The following ZKSCAN1 variants were observed in gnomAD, a reference collection of about 807,000 sequenced individuals.
ZKSCAN1 encodes the protein zinc finger with KRAB and SCAN domains 1.
A neutral mutation model predicts 51.6 loss-of-function variants in ZKSCAN1; 14 were observed. The ratio of observed to expected loss-of-function variants is 0.27; its 90% CI spans 0.18 to 0.42. The LOEUF is 0.42. ZKSCAN1 is among the 10% of genes least tolerant of loss of function. The probability of loss-of-function intolerance (pLI) is 1.00; values close to 1 mark genes in which losing one functional copy is unlikely to be tolerated. For synonymous variants in ZKSCAN1, 263 were observed against 261.5 expected (o/e 1.01, Z -0.06); for missense variants, 531 against 710.0 (o/e 0.75, Z 2.86).
At position 100,038,148 on chromosome 7, in the gene ZKSCAN1, G is replaced by C; in HGVS notation, c.*3951G>C. 1.0e-6 allele frequency: 1 copy of C among 985,300 alleles called. No individual in the cohort carries two copies. Among genetic ancestry groups the C allele is most frequent in the Non-Finnish European group, 1.2e-6 (1 of 829,892 alleles). The allele number at this position is 985,300 out of a possible 1,614,324, so 61.0% of individuals were successfully genotyped here. A position where few individuals can be genotyped will look rare whatever the true frequency, so the allele number is the denominator to read the frequency against. ...CTTCTTACAAAAATTGTTAACGTTA[G>C]GTACTTCTATATATTTTATATGACC... On this transcript the variant is annotated 3_prime_UTR_variant, in exon 6 of 6. Transcript: ENST00000324306.
chr7:100,028,054 T>A (rs1790919999), intron 3 of ZKSCAN1, among the ~76,000 whole-genome samples: 1 of 151,982 alleles, frequency 6.6e-6, no homozygotes, highest in Admixed American at 6.6e-5. Flanking sequence ...CTCAGAAGTT[T>A]AAAAAATTAA....
intron 3 of ZKSCAN1, among the ~76,000 whole-genome samples, chr7:100,028,853 A>G (rs1437126713): frequency 6.6e-6 from 1 of 150,812 alleles, no homozygotes; most frequent in African/African-American, 2.4e-5. Context: ...AAGTAGAGGG[A>G]CAAAAACTGG....
In ZKSCAN1 at chr7:100,036,831, T is replaced by TG. The variant is rs1383886085; in HGVS notation, c.*2636dup. On this transcript the variant is annotated 3_prime_UTR_variant, in exon 6 of 6. Coordinates refer to ENST00000324306, the MANE Select transcript of ZKSCAN1 (RefSeq NM_003439.4). The stretch of plus-strand genomic sequence containing the variant: ...CTTTGGTCATGTTTACATTGGCCTT[T>TG]GGTTTTTTTTTTTCTTTCAGCCACA... 1 of 934,420 alleles carries TG rather than the reference T, an allele frequency of 1.1e-6. No individual in the cohort carries two copies. The highest frequency in any genetic ancestry group is 9.4e-5 in the Admixed American group (1 of 10,592). The allele number at this position is 934,420 out of a possible 1,614,324, so 57.9% of individuals were successfully genotyped here.
At position 100,036,342 on chromosome 7, in the gene ZKSCAN1, A is replaced by G; in HGVS notation, c.*2145A>G. 1.0e-6 allele frequency: 1 copy of G among 985,472 alleles called. No individual in the cohort carries two copies. Among genetic ancestry groups the G allele is most frequent in the Non-Finnish European group, 1.2e-6 (1 of 829,940 alleles). 61.0% of individuals were successfully genotyped at this position (985,472 alleles called of 1,614,324 possible). On this transcript the variant is annotated 3_prime_UTR_variant, in exon 6 of 6. Transcript: ENST00000324306. ...TAAAATGGAGGCAGAAAATGTTTTA[A>G]GGATTTTCTTCAAAGAATAAGCCAC...
intron 3 of ZKSCAN1, among the ~76,000 whole-genome samples, chr7:100,025,358 G>C (rs187402530): frequency 5.3e-5 from 8 of 150,170 alleles, no homozygotes; most frequent in Non-Finnish European, 1.2e-4. Flanking sequence ...TCTTTTCTAG[G>C]TTATTTTCAG....
At position 100,039,175 on chromosome 7, in the gene ZKSCAN1, G is replaced by C. The variant is rs1791491259; in HGVS notation, c.*4978G>C. ...AAAAATACAAAAATTAGCCGGGCGT[G>C]GTGGTGGGCGCCTGTAGTCCCAGCT... On this transcript the variant is annotated 3_prime_UTR_variant, in exon 6 of 6. Transcript: ENST00000324306. 1.1e-5 allele frequency: 3 copies of C among 274,508 alleles called. No individual in the cohort carries two copies. The highest frequency in any genetic ancestry group is 1.1e-5 in the Non-Finnish European group (2 of 181,216). The allele number at this position is 274,508 out of a possible 1,614,324, so 17.0% of individuals were successfully genotyped here.
chr7:100,029,999 T>C (rs1306263268), intron 4 of ZKSCAN1, 47 bp downstream of exon 4: 2 of 1,598,336 alleles, frequency 1.3e-6, no homozygotes, highest in Non-Finnish European at 1.7e-6. Context: ...TGTCTGCCTC[T>C]GTTCCTGAGC....
intron 3 of ZKSCAN1, chr7:100,024,628 G>A (rs374378427): frequency 4.0e-6 from 1 of 251,300 alleles, no homozygotes. Flanking sequence ...GGCTCGGCAC[G>A]GTAGCTCACA....
intron 3 of ZKSCAN1, 197 bp downstream of exon 3, chr7:100,024,504 G>C (rs1790733240): frequency 3.0e-6 from 2 of 668,166 alleles, no homozygotes; most frequent in Admixed American, 6.3e-5. Flanking sequence ...TGAGGTGGGA[G>C]GATTGCTTGA....
chr7:100,026,971 G>T (rs1049281232), intron 3 of ZKSCAN1, among the ~76,000 whole-genome samples: 1 of 151,256 alleles, frequency 6.6e-6, no homozygotes. Context: ...CACCCTCCAA[G>T]CTAGGCAACA....
At chr7:100,019,749 TG>T (rs1790522095) in intron 1 of ZKSCAN1, among the ~76,000 whole-genome samples, 1 of 152,066 alleles carries the variant, frequency 6.6e-6, no homozygotes. Flanking sequence ...TTGCCCAGAC[TG>T]GAGTGCAGTG....
chr7:100,043,771 A>ATTTTTTTT (rs772298225), downstream of ZKSCAN1, among the ~76,000 whole-genome samples: 5 of 58,920 alleles, frequency 8.5e-5, no homozygotes, highest in Non-Finnish European at 1.2e-4. Flanking sequence ...TTCTTTCTTG[A>ATTTTTTTT]TTTTTTTTTT....
chr7:100,039,212 T>C lies in ZKSCAN1; in HGVS notation c.*5015T>C. 1.6e-6 allele frequency: 1 copy of C among 618,734 alleles called. No homozygotes were observed. The highest frequency in any genetic ancestry group is 2.0e-6 in the Non-Finnish European group (1 of 496,342). The allele number at this position is 618,734 out of a possible 1,614,324, so 38.3% of individuals were successfully genotyped here. ...CTGTAGTCCCAGCTACTCAGGAGGC[T>C]GAGGCAGGAGAATCACCTAAATCTG... is the stretch of plus-strand genomic sequence containing the variant. On this transcript the variant is annotated 3_prime_UTR_variant, in exon 6 of 6. Transcript: ENST00000324306.
Position 100,036,537 on chromosome 7 carries a change from G to T in ZKSCAN1, c.*2340G>T. 1.2e-6 allele frequency: 1 copy of T among 830,030 alleles called. No homozygotes were observed. Among genetic ancestry groups the T allele is most frequent in the Non-Finnish European group, 1.5e-6 (1 of 688,578 alleles). The allele number at this position is 830,030 out of a possible 1,614,324, so 51.4% of individuals were successfully genotyped here. A position where few individuals can be genotyped will look rare whatever the true frequency, so the allele number is the denominator to read the frequency against. On this transcript the variant is annotated 3_prime_UTR_variant, in exon 6 of 6. Transcript: ENST00000324306. ...TTTTGAGACCAGCCTGGCCAACATG[G>T]TAAAATCCCGTCTCTACTAAAATTA...
downstream of ZKSCAN1, among the ~76,000 whole-genome samples, chr7:100,044,510 A>C (rs549800848): frequency 2.6e-5 from 4 of 151,994 alleles, no homozygotes; most frequent in Non-Finnish European, 4.4e-5. Flanking sequence ...TACTAAAAAA[A>C]ATACAAAAAA....
rs758146162 is a variant in ZKSCAN1 at position 100,040,972 on chromosome 7, T to TG, written c.*6780dup. 3 of 982,664 alleles carry TG rather than the reference T, an allele frequency of 3.1e-6. No individual in the cohort carries two copies. Among genetic ancestry groups the TG allele is most frequent in the Non-Finnish European group, 3.6e-6 (3 of 827,882 alleles). 60.9% of individuals were successfully genotyped at this position (982,664 alleles called of 1,614,324 possible). ...ATCTTGTCCTAAAAATATATGAGTTTGGGGGTAAGGGGTGGGATAGCCAAG... is the reference window on the plus strand; with the variant it reads ...ATCTTGTCCTAAAAATATATGAGTTTGGGGGGTAAGGGGTGGGATAGCCAAG... On this transcript the variant is annotated 3_prime_UTR_variant, in exon 6 of 6. Coordinates refer to ENST00000324306, the MANE Select transcript of ZKSCAN1 (RefSeq NM_003439.4).
At chr7:100,030,414 T>G in intron 5 of ZKSCAN1, 39 bp downstream of exon 5, 1 of 1,593,452 alleles carries the variant, frequency 6.3e-7, no homozygotes, top group Non-Finnish European at 8.6e-7. Context: ...TAAGATGGTT[T>G]TGTCTCTCTG....
In ZKSCAN1 at chr7:100,033,374, G is replaced by A. The variant is rs757244955; in HGVS notation, c.869G>A (p.Arg290His). The change falls in exon 6 of 6, where the codon CGC becomes CAC. Residue 290 changes from arginine to histidine, a missense_variant. Physicochemically the swap from Arg to His is conservative, Grantham distance 29 (BLOSUM62 0). Transcript: ENST00000324306. This position sits in a 1 kb window ranked among gnomAD's most constrained non-coding sequence, Gnocchi z 4.1. ...GAAACCTCGGAAGATTCAGCATCAC[G>A]CGGGGAGACAACAGGAAGATCCCAG... The part of the protein sequence containing the change: ...KAETSEDSAS[R>H]GETTGRSQKE... The A allele has an allele frequency of 1.1e-5, 17 of 1,613,966 alleles. No homozygotes were observed. The highest frequency in any genetic ancestry group is 7.7e-5 in the South Asian group (7 of 91,078).
At chr7:100,022,501 CT>C (rs1188397973) in intron 1 of ZKSCAN1, among the ~76,000 whole-genome samples, 1 of 152,234 alleles carries the variant, frequency 6.6e-6, no homozygotes, top group African/African-American at 2.4e-5. Flanking sequence ...ATTTCTCTCT[CT>C]TTTAAGATAC....
Sources: gnomAD v4.1 joint callset for allele counts (sites outside exome capture counted in the v4.1 genomes callset) on GRCh38, gnomAD v4.1.1 for gene constraint, Gnocchi (gnomAD v3.1) non-coding constraint, MANE v1.5 for transcripts, NCBI Gene and HGNC (gene_info 2026-07-23, HGNC 2026-07-21) for gene names.